ERLIN2: variants seen among roughly 807,000 people sequenced by gnomAD.
ERLIN2 encodes ER lipid raft associated 2.
In ERLIN2, 22 loss-of-function variants were observed where a neutral mutation model predicts 41.5. The ratio of observed to expected loss-of-function variants is 0.53; its 90% CI spans 0.38 to 0.76. The LOEUF (loss-of-function observed/expected upper bound fraction) is 0.76, where lower values mean the gene tolerates loss of function less well. Among genes scored for constraint, ERLIN2 ranks in the 30% least tolerant of loss-of-function variants. The probability of loss-of-function intolerance (pLI) is 0.00; values close to 1 mark genes in which losing one functional copy is unlikely to be tolerated. For missense variants in ERLIN2, 247 were observed against 414.3 expected (o/e 0.60, Z 3.51); for synonymous variants, 149 against 150.9 (o/e 0.99, Z 0.09).
rs1337026032 is a variant in ERLIN2 at position 37,737,920 on chromosome 8, C to G, written c.-3C>G. On this transcript the variant is annotated 5_prime_UTR_variant, in exon 2 of 12. Transcript: ENST00000519638. ...GTCTTTTCCCTAGGATAAAGGCTCACTGATGGCTCAGTTGGGAGCAGTTGT... is the reference window on the plus strand; with the variant it reads ...GTCTTTTCCCTAGGATAAAGGCTCAGTGATGGCTCAGTTGGGAGCAGTTGT... 4.3e-6 allele frequency: 7 copies of G among 1,614,020 alleles called. No individual in the cohort carries two copies. In the African/African-American group the frequency reaches 6.7e-5, roughly 15 times the overall value.
At chr8:37,751,387 T>C (rs1005943232) in intron 9 of ERLIN2, among the ~76,000 whole-genome samples, 1 of 152,208 alleles carries the variant, frequency 6.6e-6, no homozygotes, top group African/African-American at 2.4e-5. Flanking sequence ...GAAGTTCCCT[T>C]GTGAAGTTAG....
Position 37,751,673 on chromosome 8 carries a change from G to C in ERLIN2, c.697G>C (p.Val233Leu). Residue 233 changes from valine to leucine, a missense_variant, in exon 10 of 12, where the codon GTG (valine) becomes CTG (leucine). Coordinates refer to ENST00000519638, the MANE Select transcript of ERLIN2 (RefSeq NM_007175.8). Reference protein sequence around the residue: ...QVAEITYGQKVMEKETEKKIS... With the variant: ...QVAEITYGQKLMEKETEKKIS... The stretch of plus-strand genomic sequence containing the variant: ...GGCTGAGATCACCTACGGGCAGAAG[G>C]TGATGGAGAAGGAGACTGAGAAGAA... 6.2e-7 allele frequency: 1 copy of C among 1,613,998 alleles called. No homozygotes were observed. Among genetic ancestry groups the C allele is most frequent in the Non-Finnish European group, 8.5e-7 (1 of 1,179,852 alleles).
At chr8:37,737,580 G>T (rs897955504) in intron 1 of ERLIN2, 2 of 364,316 alleles carry the variant, frequency 5.5e-6, no homozygotes, top group Admixed American at 8.2e-5. Flanking sequence ...GGTAGGAAAG[G>T]TTCAGTGACA....
In ERLIN2 at chr8:37,740,393, G is replaced by A. The variant is rs372839403; in HGVS notation, c.136G>A (p.Gly46Ser). The A allele has an allele frequency of 7.0e-5, 113 of 1,612,698 alleles. 1 individual carries two copies. The highest frequency in any genetic ancestry group is 1.6e-4 in the Middle Eastern group (1 of 6,080). ...RGGALLTSTS[G>S]PGFHLMLPFI... ...CGGTGCCCTGCTGACTTCGACCAGC[G>A]GCCCTGGTTTCCATCTCATGCTCCC... Residue 46 changes from glycine to serine, a missense_variant, in exon 3 of 12, where the codon GGC becomes AGC. Around this residue, in one of 3 missense-constraint regions of ERLIN2, gnomAD observed 93 missense variants for 139.0 expected, o/e 0.67. Transcript: ENST00000519638.
At chr8:37,746,215 C>A in intron 6 of ERLIN2, 3 of 985,836 alleles carry the variant, frequency 3.0e-6, no homozygotes, top group Non-Finnish European at 3.6e-6. Context: ...TCAGAAGGTT[C>A]TTCTATACTT....
intron 8 of ERLIN2, 177 bp from the exon 9 acceptor site, chr8:37,750,218 A>G: frequency 4.6e-6 from 3 of 652,772 alleles, no homozygotes; most frequent in Non-Finnish European, 5.5e-6. Flanking sequence ...ACTTGGGAGG[A>G]GAAGAGCTAT....
intron 5 of ERLIN2, 52 bp downstream of exon 5, chr8:37,744,468 A>G (rs1585906839): frequency 1.2e-6 from 2 of 1,607,470 alleles, no homozygotes; most frequent in Non-Finnish European, 1.7e-6. Context: ...CCAGCATGCC[A>G]CTCCCGTGTC....
intron 4 of ERLIN2, among the ~76,000 whole-genome samples, chr8:37,742,355 AAAG>A (rs1273300982): frequency 1.3e-5 from 2 of 151,934 alleles, no homozygotes; most frequent in African/African-American, 4.8e-5. Context: ...AAAAAAAAAA[AAAG>A]AAGTGAGGAT....
chr8:37,750,435 C>G lies in ERLIN2; in HGVS notation c.598C>G (p.Gln200Glu). 6.2e-7 allele frequency: 1 copy of G among 1,613,836 alleles called. No individual in the cohort carries two copies. The highest frequency in any genetic ancestry group is 8.5e-7 in the Non-Finnish European group (1 of 1,179,998). ...KTKLLIAAQK[Q>E]KVVEKEAETE... ...AAAGCTTCTCATTGCCGCCCAGAAA[C>G]AGAAGGTGGTGGAAAAGGAAGCAGA... The change falls in exon 9 of 12, where the codon CAG (glutamine) becomes GAG (glutamate). Residue 200 changes from glutamine to glutamate, a missense_variant. Physicochemically the swap from Gln to Glu is conservative, Grantham distance 29. This residue lies in a region of ERLIN2 where 153 missense variants were observed against 256.4 expected (regional missense o/e 0.60). Transcript: ENST00000519638.
At chr8:37,747,886 A>G (rs750114131) in intron 6 of ERLIN2, 149 of 1,613,912 alleles carry the variant, frequency 9.2e-5, no homozygotes, top group Non-Finnish European at 8.0e-5. Context: ...ACAGTCCAGC[A>G]CTAGGACCAC....
chr8:37,738,861 G>C (rs1175691102), intron 2 of ERLIN2, among the ~76,000 whole-genome samples: 2 of 152,038 alleles, frequency 1.3e-5, no homozygotes, highest in African/African-American at 4.8e-5. Context: ...CTCCAGCCTG[G>C]GTGACAGAGC....
chr8:37,742,585 A>G (rs939409873), intron 4 of ERLIN2, among the ~76,000 whole-genome samples: 16 of 152,300 alleles, frequency 1.1e-4, no homozygotes, highest in African/African-American at 3.9e-4. Context: ...GTTCTCACTT[A>G]TAAGTGGGAA....
At chr8:37,751,035 T>C (rs1464431945) in intron 9 of ERLIN2, among the ~76,000 whole-genome samples, 1 of 152,188 alleles carries the variant, frequency 6.6e-6, no homozygotes, top group African/African-American at 2.4e-5. Context: ...TTCTTAATAA[T>C]AATGGCTAAT....
intron 1 of ERLIN2, 103 bp from the exon 2 acceptor site, chr8:37,737,805 A>G (rs976207868): frequency 3.3e-5 from 45 of 1,369,082 alleles, no homozygotes; most frequent in Middle Eastern, 2.5e-4. Context: ...CAGGCTGGAT[A>G]TGAGTCACTC....
At chr8:37,747,874 T>C (rs1184411546) in intron 6 of ERLIN2, 10 of 1,614,032 alleles carry the variant, frequency 6.2e-6, no homozygotes, top group Non-Finnish European at 8.5e-6. Flanking sequence ...TTTCTCTAAC[T>C]GACAGTCCAG....
At chr8:37,751,798 CT>C in intron 10 of ERLIN2, 83 bp downstream of exon 10, 1 of 1,013,426 alleles carries the variant, frequency 9.9e-7, no homozygotes, top group Non-Finnish European at 1.6e-6. Flanking sequence ...TGCCTTTGCC[CT>C]TTAACTGTGC....
chr8:37,740,394 G>A lies in ERLIN2; in HGVS notation c.137G>A (p.Gly46Asp), dbSNP rs1802809251. The A allele has an allele frequency of 6.2e-7, 1 of 1,612,916 alleles. No individual in the cohort carries two copies. Among genetic ancestry groups the A allele is most frequent in the African/African-American group, 1.3e-5 (1 of 74,938 alleles). Residue 46 changes from glycine (G) to aspartate (D), a missense_variant, in exon 3 of 12, where the codon GGC becomes GAC. This residue lies in a region of ERLIN2 where 93 missense variants were observed against 139.0 expected (regional missense o/e 0.67). Transcript: ENST00000519638. ...GGTGCCCTGCTGACTTCGACCAGCG[G>A]CCCTGGTTTCCATCTCATGCTCCCT... ...RGGALLTSTS[G>D]PGFHLMLPFI...
At chr8:37,742,836 T>G (rs149392005) in intron 4 of ERLIN2, among the ~76,000 whole-genome samples, 11 of 152,178 alleles carry the variant, frequency 7.2e-5, no homozygotes, top group African/African-American at 2.6e-4. Context: ...AAAATAAAAT[T>G]TTAACGTTAA....
At chr8:37,737,245 G>A (rs1315544958) in intron 1 of ERLIN2, 1 of 156,648 alleles carries the variant, frequency 6.4e-6, no homozygotes, top group Non-Finnish European at 1.4e-5. Context: ...TCTGACCACG[G>A]GCTTGGGGAT....
Sources: allele counts gnomAD v4.1 joint callset (sites outside exome capture counted in the v4.1 genomes callset), GRCh38; gene constraint gnomAD v4.1.1; regional missense constraint gnomAD v4.1.1; transcripts MANE v1.5; gene names NCBI Gene and HGNC (gene_info 2026-07-23, HGNC 2026-07-21).